CERS5: variants seen among roughly 807,000 people sequenced by gnomAD.
CERS5 encodes the protein ceramide synthase 5.
CERS5 carries 37 observed loss-of-function variants against 58.9 expected under a neutral mutation model. The observed-to-expected ratio is 0.63, with a 90% CI of 0.48 to 0.83. CERS5 has a LOEUF of 0.83. Ranked by LOEUF, CERS5 falls within the 40% of genes least tolerant of loss-of-function variation. The probability of loss-of-function intolerance (pLI) is 0.00; values close to 1 mark genes in which losing one functional copy is unlikely to be tolerated. For missense variants in CERS5, 398 were observed against 489.3 expected, an observed-to-expected ratio of 0.81 and a Z score of 1.76; for synonymous variants, 147 against 177.8, an observed-to-expected ratio of 0.83 and a Z score of 1.38.
At chr12:50,157,345 C>T (rs1337457861) in intron 1 of CERS5, among the ~76,000 whole-genome samples, 1 of 151,346 alleles carries the variant, frequency 6.6e-6, no homozygotes. Context: ...AGTAATATAG[C>T]AAGATTCCGT....
intron 1 of CERS5, among the ~76,000 whole-genome samples, chr12:50,163,405 C>T (rs1442637170): frequency 2.0e-5 from 3 of 152,012 alleles, no homozygotes; most frequent in Non-Finnish European, 4.4e-5. Context: ...ATGTTGTTAG[C>T]CAGGCTGGTC....
intron 6 of CERS5, 108 bp from the exon 7 acceptor site, chr12:50,136,177 G>C: frequency 9.3e-7 from 1 of 1,070,950 alleles, no homozygotes; most frequent in South Asian, 2.8e-5. Flanking sequence ...ACCCCATATA[G>C]AATAGTTTCC....
intron 1 of CERS5, among the ~76,000 whole-genome samples, chr12:50,156,706 G>A (rs1938698932): frequency 6.6e-6 from 1 of 152,060 alleles, no homozygotes; most frequent in Non-Finnish European, 1.5e-5. Context: ...ATATAAAGGA[G>A]TCCTGAGCAA....
chr12:50,136,180 T>G, intron 6 of CERS5, 111 bp from the exon 7 acceptor site: 232 of 950,386 alleles, frequency 2.4e-4, no homozygotes, highest in Non-Finnish European at 3.1e-4. Context: ...CCATATAGAA[T>G]AGTTTCCATT....
At chr12:50,156,268 G>A (rs998967259) in intron 1 of CERS5, among the ~76,000 whole-genome samples, 3 of 149,710 alleles carry the variant, frequency 2.0e-5, no homozygotes, top group African/African-American at 7.4e-5. Flanking sequence ...GCCGGGTGTG[G>A]CAGCGTGCGC....
intron 1 of CERS5, chr12:50,165,829 C>T (rs1238455961): frequency 5.2e-6 from 2 of 384,262 alleles, no homozygotes; most frequent in East Asian, 1.8e-4. Context: ...TACCTGAGGC[C>T]TATGGCAGAA....
At chr12:50,136,900 A>G (rs964009047) in intron 6 of CERS5, among the ~76,000 whole-genome samples, 9 of 152,196 alleles carry the variant, frequency 5.9e-5, no homozygotes, top group African/African-American at 2.2e-4. Context: ...TGTATTTCAA[A>G]CTTTCTTATA....
At chr12:50,155,849 C>T (rs888335914) in intron 1 of CERS5, among the ~76,000 whole-genome samples, 12 of 142,840 alleles carry the variant, frequency 8.4e-5, no homozygotes, top group Admixed American at 1.4e-4. Flanking sequence ...CGCCTGTAAT[C>T]CCCAGCACTT....
chr12:50,163,850 C>T (rs779300856), intron 1 of CERS5, among the ~76,000 whole-genome samples: 20 of 152,024 alleles, frequency 1.3e-4, no homozygotes, highest in Non-Finnish European at 2.2e-4. Flanking sequence ...GACAAGGTTT[C>T]ACCATGTTGC....
At chr12:50,154,613 T>C (rs1938362656) in intron 1 of CERS5, among the ~76,000 whole-genome samples, 1 of 152,222 alleles carries the variant, frequency 6.6e-6, no homozygotes, top group East Asian at 1.9e-4. Flanking sequence ...GCTGTTCTTC[T>C]ATTTTTTCTT....
At chr12:50,132,972 T>TGA (rs1565763765) in intron 9 of CERS5, 1 of 1,289,018 alleles carries the variant, frequency 7.8e-7, no homozygotes, top group South Asian at 1.2e-5. Flanking sequence ...ATGCAAGAGA[T>TGA]GAAACTGTCC....
intron 1 of CERS5, among the ~76,000 whole-genome samples, chr12:50,159,517 AATT>A (rs1416311073): frequency 1.3e-5 from 2 of 152,196 alleles, no homozygotes; most frequent in African/African-American, 2.4e-5. Context: ...TTATTTTCTC[AATT>A]ATTATTAATA....
intron 1 of CERS5, among the ~76,000 whole-genome samples, chr12:50,145,693 A>G: frequency 6.6e-6 from 1 of 152,196 alleles, no homozygotes; most frequent in Non-Finnish European, 1.5e-5. Flanking sequence ...GTTCCATTCA[A>G]AGGCCAATGC....
intron 8 of CERS5, among the ~76,000 whole-genome samples, chr12:50,135,202 GA>G (rs1412326335): frequency 9.1e-5 from 7 of 76,802 alleles, no homozygotes; most frequent in African/African-American, 3.9e-4. Flanking sequence ...GGAAGAGAGA[GA>G]GAGGAGAGGG....
Position 50,130,644 on chromosome 12 carries a change from A to ATCT in CERS5, c.1077_1079dup (p.Glu359dup), listed in dbSNP as rs756921961. ...AGGGACTTTTTGTGCAGGTGGTCACATCTTCTTCCTCTGAGCTGCTCTCCA... is the reference window on the plus strand; with the variant it reads ...AGGGACTTTTTGTGCAGGTGGTCACATCTTCTTCTTCCTCTGAGCTGCTCTCCA... On this transcript the variant is annotated inframe_insertion, in exon 10 of 10. Transcript: ENST00000317551. 1 of 1,612,256 alleles carries ATCT rather than the reference A, an allele frequency of 6.2e-7. No individual in the cohort carries two copies. Among genetic ancestry groups the ATCT allele is most frequent in the African/African-American group, 1.3e-5 (1 of 74,918 alleles).
At chr12:50,144,666 G>A (rs1592374617) in intron 1 of CERS5, 2 of 611,996 alleles carry the variant, frequency 3.3e-6, no homozygotes, top group East Asian at 3.0e-5. Flanking sequence ...CGAGAAGAAA[G>A]AAATCAGGAA....
At position 50,150,543 on chromosome 12, in the gene CERS5, A is replaced by C. The variant is rs141256458; in HGVS notation, c.198-6486T>G. Among the ~76,000 whole-genome samples the C allele has an allele frequency of 5.9e-5, 9 of 152,318 alleles. No homozygotes were observed. The East Asian group carries it at 1.7e-3, about 29-fold the overall frequency. The stretch of plus-strand genomic sequence containing the variant: ...GAGAAAGAACAGAATATACGAATAC[A>C]AATGAATGAGAATGTAAGTGATAGC... On this transcript the variant is annotated intron_variant, in intron 1 of 9. Coordinates refer to ENST00000317551, the MANE Select transcript of CERS5 (RefSeq NM_147190.5).
intron 6 of CERS5, 42 bp downstream of exon 6, chr12:50,137,686 G>T: frequency 9.5e-7 from 1 of 1,058,070 alleles, no homozygotes; most frequent in Non-Finnish European, 1.5e-6. Flanking sequence ...CTAGAAAGGA[G>T]GATGTAATAA....
At chr12:50,138,665 G>A in intron 4 of CERS5, 48 bp from the exon 5 acceptor site, 1 of 1,515,902 alleles carries the variant, frequency 6.6e-7, no homozygotes, top group East Asian at 2.3e-5. Flanking sequence ...TTCTCACCTG[G>A]CTTCAAGATC....
Sources: allele counts gnomAD v4.1 joint callset (sites outside exome capture counted in the v4.1 genomes callset), GRCh38; gene constraint gnomAD v4.1.1; transcripts MANE v1.5; gene names NCBI Gene and HGNC (gene_info 2026-07-23, HGNC 2026-07-21).